Variants in MED1 observed in about 807,000 individuals in gnomAD.
The protein encoded by MED1 is mediator complex subunit 1, also known as mediator of RNA polymerase II transcription subunit 1.
Under a neutral mutation model 121.3 loss-of-function variants are expected in MED1, and 17 were observed. The ratio of observed to expected loss-of-function variants is 0.14; its 90% CI spans 0.10 to 0.21. MED1 has a LOEUF of 0.21. Among genes scored for constraint, MED1 ranks in the 10% least tolerant of loss-of-function variants. MED1 has a pLI of 1.00. For synonymous variants in MED1, 661 were observed against 694.4 expected (o/e 0.95, Z 0.76); for missense variants, 1,558 against 1,919.4 (o/e 0.81, Z 3.52).
chr17:39,431,281 C>T, intron 8 of MED1, 93 bp from the exon 9 acceptor site: 21 of 687,902 alleles, frequency 3.1e-5, no homozygotes, highest in East Asian at 3.5e-5. Context: ...GAAGTCTTGT[C>T]TTTTTTTTTT....
At chr17:39,436,747 T>C (rs575853141) in intron 6 of MED1, among the ~76,000 whole-genome samples, 1 of 152,224 alleles carries the variant, frequency 6.6e-6, no homozygotes, top group South Asian at 2.1e-4. Flanking sequence ...TTACCTTCTA[T>C]TTATTTTGTT....
At chr17:39,423,172 G>C (rs1217492956) in intron 13 of MED1, among the ~76,000 whole-genome samples, 155 bp downstream of exon 13, 1 of 151,950 alleles carries the variant, frequency 6.6e-6, no homozygotes, top group Non-Finnish European at 1.5e-5. Context: ...GCCCATTTCT[G>C]AGATTTCTGT....
intron 14 of MED1, among the ~76,000 whole-genome samples, chr17:39,416,252 A>G (rs1287547682): frequency 6.6e-6 from 1 of 152,228 alleles, no homozygotes. Context: ...TTCTGAAAAT[A>G]AAAGTGGCCG....
chr17:39,436,044 C>A (rs959445156), intron 6 of MED1, among the ~76,000 whole-genome samples: 1 of 151,888 alleles, frequency 6.6e-6, no homozygotes. Context: ...TGTACTCCAG[C>A]CTGAGCAACA....
In MED1 at chr17:39,450,888, G is replaced by A. The variant is rs1216560494; in HGVS notation, c.25+150C>T. 4 of 623,558 alleles carry A rather than the reference G, an allele frequency of 6.4e-6. 1 individual carries two copies. In the South Asian group the frequency reaches 6.9e-5, roughly 11 times the overall value. 38.6% of individuals were successfully genotyped at this position (623,558 alleles called of 1,614,324 possible). A position where few individuals can be genotyped will look rare whatever the true frequency, so the allele number is the denominator to read the frequency against. ...CGAAGCTCTATAATCACCAAGGAGG[G>A]TATAGTGACAATCTAAAACTAATAC... On this transcript the variant is annotated intron_variant, in intron 1 of 16. Coordinates refer to ENST00000300651, the MANE Select transcript of MED1 (RefSeq NM_004774.4).
chr17:39,441,216 G>T (rs2048671596), intron 3 of MED1, among the ~76,000 whole-genome samples: 1 of 152,098 alleles, frequency 6.6e-6, no homozygotes, highest in Non-Finnish European at 1.5e-5. Flanking sequence ...GTCACAAAAG[G>T]ACAAATATAT....
intron 9 of MED1, among the ~76,000 whole-genome samples, chr17:39,430,793 C>T (rs980261142): frequency 2.6e-5 from 4 of 151,920 alleles, no homozygotes; most frequent in Non-Finnish European, 5.9e-5. Context: ...CAAGGTAGGC[C>T]GATCAGTCGA....
intron 13 of MED1, among the ~76,000 whole-genome samples, chr17:39,421,518 C>T (rs1039394474): frequency 2.0e-5 from 3 of 152,002 alleles, no homozygotes; most frequent in African/African-American, 7.2e-5. Context: ...CCACTGCACT[C>T]CAGCCTGGCA....
At chr17:39,429,751 C>T (rs2048548200) in intron 9 of MED1, among the ~76,000 whole-genome samples, 1 of 114,526 alleles carries the variant, frequency 8.7e-6, no homozygotes, top group Admixed American at 8.7e-5. Context: ...ACAAAATACA[C>T]AAATATCTGG....
intron 6 of MED1, among the ~76,000 whole-genome samples, chr17:39,435,094 GA>G (rs2048605813): frequency 6.6e-6 from 1 of 152,144 alleles, no homozygotes; most frequent in South Asian, 2.1e-4. Context: ...CATGAACCAA[GA>G]AGGCGGAGCT....
chr17:39,434,850 T>C (rs377630296), intron 6 of MED1, among the ~76,000 whole-genome samples: 22 of 152,176 alleles, frequency 1.4e-4, no homozygotes, highest in African/African-American at 5.3e-4. Context: ...AAACTTTTGA[T>C]TGCAGAGATA....
At chr17:39,413,727 CTT>C (rs1337247696) in intron 16 of MED1, among the ~76,000 whole-genome samples, 3 of 151,562 alleles carry the variant, frequency 2.0e-5, no homozygotes, top group Admixed American at 6.6e-5. Flanking sequence ...GAGTGAGACT[CTT>C]GTCTCAAAAT....
At chr17:39,432,166 A>G (rs2048570858) in intron 7 of MED1, 150 bp from the exon 8 acceptor site, 3 of 521,790 alleles carry the variant, frequency 5.7e-6, no homozygotes, top group African/African-American at 2.0e-5. Flanking sequence ...AACATGGCAA[A>G]ACCCCATCTC....
chr17:39,427,676 A>T, intron 10 of MED1, 25 bp downstream of exon 10: 1 of 1,525,350 alleles, frequency 6.6e-7, no homozygotes, highest in Non-Finnish European at 9.0e-7. Context: ...CAAAACCTTT[A>T]ATTCCTTTAC....
intron 10 of MED1, among the ~76,000 whole-genome samples, chr17:39,427,139 T>C (rs1228426261): frequency 6.6e-6 from 1 of 152,162 alleles, no homozygotes; most frequent in Non-Finnish European, 1.5e-5. Flanking sequence ...AGATCGTTTA[T>C]ATCTCTTCTT....
chr17:39,442,245 C>G (rs2144768487), intron 3 of MED1, among the ~76,000 whole-genome samples: 1 of 152,120 alleles, frequency 6.6e-6, no homozygotes. Flanking sequence ...TTATATTTTA[C>G]ATTTGCTTTC....
chr17:39,431,014 G>T (rs2048560461), intron 9 of MED1, 101 bp downstream of exon 9: 4 of 1,129,134 alleles, frequency 3.5e-6, no homozygotes, highest in Non-Finnish European at 5.2e-6. Context: ...GTGAGACTCT[G>T]TCTCAAAAAA....
intron 16 of MED1, 40 bp from the exon 17 acceptor site, chr17:39,410,761 G>A: frequency 6.5e-7 from 1 of 1,549,794 alleles, no homozygotes; most frequent in Non-Finnish European, 8.7e-7. Context: ...CATTGCAATA[G>A]CTGCTGAATG....
At chr17:39,449,126 C>T (rs1001017914) in intron 1 of MED1, among the ~76,000 whole-genome samples, 3 of 152,042 alleles carry the variant, frequency 2.0e-5, no homozygotes, top group Non-Finnish European at 2.9e-5. Flanking sequence ...GCCTCAACCT[C>T]CCATGCTCCA....
Sources: allele counts gnomAD v4.1 joint callset (sites outside exome capture counted in the v4.1 genomes callset), GRCh38; gene constraint gnomAD v4.1.1; transcripts MANE v1.5; gene names NCBI Gene and HGNC (gene_info 2026-07-23, HGNC 2026-07-21).